OCA2: variants seen among roughly 807,000 people sequenced by gnomAD.
The protein encoded by OCA2 is P protein.
OCA2 carries 77 observed loss-of-function variants against 100.2 expected under a neutral mutation model. The ratio of observed to expected loss-of-function variants is 0.77; its 90% CI spans 0.64 to 0.93. The LOEUF (loss-of-function observed/expected upper bound fraction) is 0.93, where lower values mean the gene tolerates loss of function less well. OCA2 is among the 40% of genes least tolerant of loss of function. The pLI is 0.00. For missense variants in OCA2, 1,062 were observed against 1,089.1 expected (o/e 0.98, Z 0.35); for synonymous variants, 432 against 439.2 (o/e 0.98, Z 0.21).
chr15:27,896,926 C>T (rs1178651419), intron 19 of OCA2, among the ~76,000 whole-genome samples: 3 of 152,174 alleles, frequency 2.0e-5, no homozygotes, highest in Non-Finnish European at 4.4e-5. Flanking sequence ...CGCAGTGGCT[C>T]ACGCCTATAA....
intron 2 of OCA2, among the ~76,000 whole-genome samples, chr15:28,062,889 T>C (rs934143817): frequency 3.3e-5 from 5 of 152,132 alleles, no homozygotes; most frequent in Admixed American, 2.0e-4. Flanking sequence ...ATTTCTGGAG[T>C]CTTGATCCTC....
At chr15:27,938,838 A>C (rs1477913797) in intron 18 of OCA2, among the ~76,000 whole-genome samples, 1 of 152,196 alleles carries the variant, frequency 6.6e-6, no homozygotes. Flanking sequence ...AGCACACTCA[A>C]GTATGGTCTC....
At chr15:27,896,549 C>T (rs2037696911) in intron 19 of OCA2, 1 of 415,120 alleles carries the variant, frequency 2.4e-6, no homozygotes, top group African/African-American at 2.1e-5. Context: ...ATGCAAGCTT[C>T]CTCAGAGCTC....
chr15:27,814,929 TAGA>T (rs2034228944), intron 23 of OCA2, among the ~76,000 whole-genome samples: 1 of 149,448 alleles, frequency 6.7e-6, no homozygotes, highest in Non-Finnish European at 1.5e-5. Flanking sequence ...GATAGATAGA[TAGA>T]TAGATAGATA....
chr15:27,957,353 G>A lies in OCA2; in HGVS notation c.1784+235C>T, dbSNP rs1004379419. On this transcript the variant is annotated intron_variant, in intron 16 of 23. Transcript: ENST00000354638. This position sits in a 1 kb window ranked among gnomAD's most constrained non-coding sequence, Gnocchi z 4.3. ...TTCCGAGCTGCACAACCCTGGGCAC[G>A]CCGCTCAAATTCTCTGAGCCTCTGG... is the stretch of plus-strand genomic sequence containing the variant. Among the ~76,000 whole-genome samples the A allele has an allele frequency of 1.3e-5, 2 of 152,106 alleles. No homozygotes were observed. The highest frequency in any genetic ancestry group is 2.1e-4 in the South Asian group (1 of 4,828).
intron 21 of OCA2, among the ~76,000 whole-genome samples, chr15:27,868,002 G>A (rs1031055219): frequency 2.0e-5 from 3 of 152,212 alleles, no homozygotes; most frequent in African/African-American, 7.2e-5. Flanking sequence ...CACCTATGCA[G>A]CAGCCCACTG....
intron 23 of OCA2, among the ~76,000 whole-genome samples, chr15:27,814,884 A>ATAGATAGG (rs2151237206): frequency 3.8e-5 from 1 of 26,594 alleles, no homozygotes; most frequent in East Asian, 1.3e-3. Context: ...TTCTCTCTCT[A>ATAGATAGG]TAGATAGATA....
At chr15:27,796,239 AT>A (rs1438388102) in intron 23 of OCA2, among the ~76,000 whole-genome samples, 6 of 152,188 alleles carry the variant, frequency 3.9e-5, no homozygotes, top group Non-Finnish European at 5.9e-5. Context: ...CAACTAAGAC[AT>A]GTGTTTCTAA....
At chr15:28,001,258 A>AACACACACAC (rs529780975) in intron 9 of OCA2, among the ~76,000 whole-genome samples, 1 of 150,222 alleles carries the variant, frequency 6.7e-6, no homozygotes, top group Non-Finnish European at 1.5e-5. Flanking sequence ...TATACATACA[A>AACACACACAC]ACACACACAC....
chr15:28,069,290 C>T (rs1315943084), intron 2 of OCA2, among the ~76,000 whole-genome samples: 1 of 150,698 alleles, frequency 6.6e-6, no homozygotes, highest in African/African-American at 2.5e-5. Context: ...ACAATAAAGT[C>T]CAAATGGGAG....
the OCA2 span, among the ~76,000 whole-genome samples, chr15:27,742,635 G>C: frequency 6.6e-6 from 1 of 152,216 alleles, no homozygotes; most frequent in Non-Finnish European, 1.5e-5. Context: ...CAAAACACGA[G>C]GAAAGGATGA....
chr15:27,903,003 G>A (rs970618163), intron 19 of OCA2, among the ~76,000 whole-genome samples: 1 of 152,186 alleles, frequency 6.6e-6, no homozygotes, highest in Non-Finnish European at 1.5e-5. Flanking sequence ...AGGGCACCCG[G>A]GTCAGGGAGG....
intron 23 of OCA2, among the ~76,000 whole-genome samples, chr15:27,777,149 C>T (rs1032708868): frequency 6.6e-6 from 1 of 152,152 alleles, no homozygotes; most frequent in Non-Finnish European, 1.5e-5. Context: ...CCTGGCCAAC[C>T]CTGAGCAGGG....
chr15:27,882,175 G>A (rs1210083539), intron 19 of OCA2, among the ~76,000 whole-genome samples: 7 of 152,166 alleles, frequency 4.6e-5, no homozygotes, highest in Non-Finnish European at 1.0e-4. Context: ...GGTTTTGAGT[G>A]AGTTTCTTAT....
At chr15:28,050,792 TA>T (rs2043488953) in intron 2 of OCA2, among the ~76,000 whole-genome samples, 1 of 151,990 alleles carries the variant, frequency 6.6e-6, no homozygotes, top group Admixed American at 6.6e-5. Context: ...CGAGTGCAGG[TA>T]AAACACATGG....
At chr15:27,837,916 A>G (rs1334197691) in intron 23 of OCA2, among the ~76,000 whole-genome samples, 1 of 151,876 alleles carries the variant, frequency 6.6e-6, no homozygotes, top group Non-Finnish European at 1.5e-5. Flanking sequence ...AAGCTGTTAC[A>G]GAGACTGCTC....
At chr15:27,773,138 C>T (rs1286922488) in intron 23 of OCA2, among the ~76,000 whole-genome samples, 2 of 152,042 alleles carry the variant, frequency 1.3e-5, no homozygotes, top group Non-Finnish European at 2.9e-5. Context: ...TTTTTGTTCA[C>T]AAGTTTTAAT....
the OCA2 span, among the ~76,000 whole-genome samples, chr15:27,747,803 G>A: frequency 6.6e-6 from 1 of 152,138 alleles, no homozygotes; most frequent in Non-Finnish European, 1.5e-5. Flanking sequence ...AACAGCAAAT[G>A]AGAATTTTGA....
intron 2 of OCA2, among the ~76,000 whole-genome samples, chr15:28,035,569 T>G (rs2043024330): frequency 6.6e-6 from 1 of 152,188 alleles, no homozygotes; most frequent in South Asian, 2.1e-4. Context: ...AAAGCCCAAT[T>G]TTTTCTCCTT....
Sources: allele counts gnomAD v4.1 joint callset (sites outside exome capture counted in the v4.1 genomes callset), GRCh38; gene constraint gnomAD v4.1.1; non-coding constraint Gnocchi (gnomAD v3.1); transcripts MANE v1.5; gene names NCBI Gene and HGNC (gene_info 2026-07-23, HGNC 2026-07-21).